CADM2: variants seen among roughly 807,000 people sequenced by gnomAD.
The protein encoded by CADM2 is immunoglobulin superfamily member 4D.
Under a neutral mutation model 49.8 loss-of-function variants are expected in CADM2, and 12 were observed. The observed-to-expected ratio is 0.24, with a 90% confidence interval of 0.15 to 0.39. CADM2 has a LOEUF of 0.39. Ranked by LOEUF, CADM2 falls within the 10% of genes least tolerant of loss-of-function variation. CADM2 has a pLI of 1.00. For missense variants in CADM2, 378 were observed against 492.3 expected (o/e 0.77, Z 2.20); for synonymous variants, 214 against 175.4 (o/e 1.22, Z -1.74).
At chr3:86,034,782 C>T (rs1041761829) in intron 8 of CADM2, among the ~76,000 whole-genome samples, 1 of 151,936 alleles carries the variant, frequency 6.6e-6, no homozygotes, top group African/African-American at 2.4e-5. Context: ...TATGCTGCCC[C>T]AAACTGATTC....
At chr3:85,358,463 T>C (rs1002907269) in intron 1 of CADM2, among the ~76,000 whole-genome samples, 1 of 152,214 alleles carries the variant, frequency 6.6e-6, no homozygotes, top group African/African-American at 2.4e-5. Context: ...AGTTTGGTGA[T>C]GGGCAGAACA....
intron 2 of CADM2, among the ~76,000 whole-genome samples, chr3:85,784,025 ATC>A (rs927195479): frequency 6.6e-6 from 1 of 152,132 alleles, no homozygotes; most frequent in Admixed American, 6.6e-5. Flanking sequence ...ATAACTATTG[ATC>A]TCTCTCTCAC....
chr3:85,725,175 T>A (rs1291257215), intron 1 of CADM2, among the ~76,000 whole-genome samples: 2 of 151,916 alleles, frequency 1.3e-5, no homozygotes. Context: ...CTGGTAAAAA[T>A]TTTATTATTT....
chr3:85,157,245 G>T (rs984069616), intron 1 of CADM2, among the ~76,000 whole-genome samples: 17 of 151,560 alleles, frequency 1.1e-4, no homozygotes, highest in Admixed American at 7.9e-4. Flanking sequence ...AATCAATATC[G>T]TGAAAATGGC....
rs1174689898 is a variant in CADM2, at chr3:85,317,368, A to G, written c.61+357700A>G. ...ATGACCCTATTTGAGTGAAACTCTT[A>G]TGGGAGAAAAAATGTCACATAAAGA... On this transcript the variant is annotated intron_variant, in intron 1 of 9. Transcript: ENST00000383699. Among the ~76,000 whole-genome samples the G allele has an allele frequency of 3.3e-5, 5 of 152,300 alleles. No individual in the cohort carries two copies. In the East Asian group the frequency reaches 7.7e-4, roughly 24 times the overall value.
chr3:86,044,476 G>A (rs567072312), intron 8 of CADM2, among the ~76,000 whole-genome samples: 2 of 152,272 alleles, frequency 1.3e-5, no homozygotes, highest in Non-Finnish European at 2.9e-5. Flanking sequence ...ATCATCACTG[G>A]CCATCAGAAA....
chr3:85,462,273 G>A (rs1202400231), intron 1 of CADM2, among the ~76,000 whole-genome samples: 3 of 152,156 alleles, frequency 2.0e-5, no homozygotes, highest in Admixed American at 6.5e-5. Flanking sequence ...TTAGCCTCAT[G>A]TGAATTTAAC....
intron 1 of CADM2, among the ~76,000 whole-genome samples, chr3:85,648,861 G>T (rs1367398085): frequency 1.3e-5 from 2 of 151,744 alleles, no homozygotes; most frequent in Non-Finnish European, 2.9e-5. Flanking sequence ...TAGTCGTTTT[G>T]GTTTTTATAT....
intron 1 of CADM2, among the ~76,000 whole-genome samples, chr3:85,563,021 G>A (rs1188477349): frequency 1.3e-5 from 2 of 151,988 alleles, no homozygotes; most frequent in East Asian, 1.9e-4. Context: ...CTATCTTCTT[G>A]GTCAGTTTAT....
At chr3:85,977,138 T>A (rs180844064) in intron 8 of CADM2, among the ~76,000 whole-genome samples, 224 of 151,092 alleles carry the variant, frequency 1.5e-3, no homozygotes, top group East Asian at 0.012. Flanking sequence ...TAATAATAAT[T>A]ATTATTATTG....
At chr3:85,971,267 C>A (rs568592033) in intron 8 of CADM2, among the ~76,000 whole-genome samples, 1 of 151,620 alleles carries the variant, frequency 6.6e-6, no homozygotes, top group South Asian at 2.1e-4. Flanking sequence ...TTTCATGTAT[C>A]ATTTTTTGAG....
chr3:85,883,569 C>G, intron 4 of CADM2, 126 bp downstream of exon 4: 1 of 813,094 alleles, frequency 1.2e-6, no homozygotes, highest in South Asian at 3.7e-5. Context: ...AATCCTTTCT[C>G]TGCTACATTT....
intron 1 of CADM2, among the ~76,000 whole-genome samples, chr3:85,676,552 T>A (rs1007841461): frequency 1.3e-5 from 2 of 152,214 alleles, no homozygotes; most frequent in African/African-American, 4.8e-5. Context: ...TCAAAGTTGG[T>A]AATTAATGAC....
At chr3:85,979,418 C>A in intron 8 of CADM2, 1 of 944,374 alleles carries the variant, frequency 1.1e-6, no homozygotes, top group Non-Finnish European at 1.5e-6. Context: ...AAATTGCTAT[C>A]AATTAGGGTT....
intron 1 of CADM2, among the ~76,000 whole-genome samples, chr3:85,500,842 C>T (rs11922348): frequency 2.6e-5 from 4 of 151,962 alleles, no homozygotes; most frequent in African/African-American, 4.8e-5. Flanking sequence ...GATGTGAACA[C>T]TTCCTATTGT....
intron 1 of CADM2, among the ~76,000 whole-genome samples, chr3:85,636,182 G>A (rs537776606): frequency 2.0e-5 from 3 of 152,238 alleles, no homozygotes; most frequent in Non-Finnish European, 4.4e-5. Context: ...GTTATCATAG[G>A]AGATGACAGC....
chr3:85,420,495 C>T (rs1371219747), intron 1 of CADM2, among the ~76,000 whole-genome samples: 1 of 152,080 alleles, frequency 6.6e-6, no homozygotes, highest in Non-Finnish European at 1.5e-5. Flanking sequence ...TTGTATGTCC[C>T]ATGGGGGAAA....
At chr3:85,030,327 A>G (rs1372616146) in intron 1 of CADM2, among the ~76,000 whole-genome samples, 1 of 152,208 alleles carries the variant, frequency 6.6e-6, no homozygotes, top group Non-Finnish European at 1.5e-5. Flanking sequence ...TTTCATTTAT[A>G]TGCTCTGTTA....
rs561797355 is a variant in CADM2 at position 85,024,150 on chromosome 3, T to C, written c.61+64482T>C. ...ACAAGGAGTGAAACATGTTTTTGCT[T>C]TCTGATGTAAAAGCCACAAATATCT... On this transcript the variant is annotated intron_variant, in intron 1 of 9. Coordinates refer to ENST00000383699, the MANE Select transcript of CADM2 (RefSeq NM_001167675.2). Among the ~76,000 whole-genome samples, 415 of 152,236 alleles carry C rather than the reference T, an allele frequency of 2.7e-3. 5 individuals are homozygous for C. Among genetic ancestry groups the C allele is most frequent in the African/African-American group, 9.7e-3 (404 of 41,562 alleles).
Sources: allele counts gnomAD v4.1 joint callset (sites outside exome capture counted in the v4.1 genomes callset), GRCh38; gene constraint gnomAD v4.1.1; transcripts MANE v1.5; gene names NCBI Gene and HGNC (gene_info 2026-07-23, HGNC 2026-07-21).